PTER: variants seen among roughly 807,000 people sequenced by gnomAD.
PTER encodes N-acetyltaurine hydrolase.
PTER carries 38 observed loss-of-function variants against 29.6 expected under a neutral mutation model. The ratio of observed to expected loss-of-function variants is 1.28; its 90% CI spans 0.99 to 1.68. The LOEUF is 1.68. Ranked by LOEUF, PTER falls within the 40% of genes most tolerant of loss-of-function variation. The pLI is 0.00. For synonymous variants in PTER, 172 were observed against 154.5 expected (o/e 1.11, Z -0.84); for missense variants, 482 against 427.8 (o/e 1.13, Z -1.12).
chr10:16,476,331 C>T (rs544168411), intron 1 of PTER, among the ~76,000 whole-genome samples: 10 of 152,256 alleles, frequency 6.6e-5, no homozygotes, highest in Non-Finnish European at 1.0e-4. Context: ...CTGCCCACCT[C>T]GGCCTCCCAA....
At chr10:16,485,629 A>G (rs768619496) in intron 2 of PTER, among the ~76,000 whole-genome samples, 3 of 151,906 alleles carry the variant, frequency 2.0e-5, no homozygotes, top group Non-Finnish European at 4.4e-5. Flanking sequence ...TTATTTTTTT[A>G]ATGTATTTTT....
chr10:16,439,672 C>T (rs1446349558), intron 1 of PTER, among the ~76,000 whole-genome samples: 1 of 152,184 alleles, frequency 6.6e-6, no homozygotes, highest in Non-Finnish European at 1.5e-5. Context: ...ATACAGGACC[C>T]ATTCATACAG....
intron 1 of PTER, among the ~76,000 whole-genome samples, chr10:16,444,095 G>T (rs1236732577): frequency 6.7e-6 from 1 of 149,844 alleles, no homozygotes; most frequent in Non-Finnish European, 1.5e-5. Flanking sequence ...TCTGCCTCCC[G>T]AATTCAAGCG....
In PTER at chr10:16,443,883, A is replaced by G. The variant is rs141842187; in HGVS notation, c.-49+6836A>G. Among the ~76,000 whole-genome samples, 377 of 152,314 alleles carry G rather than the reference A, an allele frequency of 2.5e-3. 3 individuals carry two copies. Among genetic ancestry groups the G allele is most frequent in the African/African-American group, 8.5e-3 (354 of 41,570 alleles). On this transcript the variant is annotated intron_variant, in intron 1 of 4. Coordinates refer to ENST00000535784, the MANE Select transcript of PTER (RefSeq NM_001261836.2). ...GTGGTCCTATCTGCTCTTTCTATAA[A>G]GTGGTATCTTGTGCTCATCTTGCTT...
Position 16,477,243 on chromosome 10 carries a change from A to G in PTER, c.-48-7094A>G, listed in dbSNP as rs117604952. 5.1e-3 allele frequency among the ~76,000 whole-genome samples: 703 copies of G among 137,888 alleles called. 5 individuals are homozygous for G. Among genetic ancestry groups the G allele is most frequent in the South Asian group, 0.024 (101 of 4,124 alleles). 90.5% of individuals were successfully genotyped at this position (137,888 alleles called of 152,430 possible). ...AAACTTTGAAGGATGTGAACTGGAA[A>G]TTCATTCTGTCTTTCGATAGATAGA... On this transcript the variant is annotated intron_variant, in intron 1 of 4. Coordinates refer to ENST00000535784, the MANE Select transcript of PTER (RefSeq NM_001261836.2).
At chr10:16,480,221 G>T (rs1285074416) in intron 1 of PTER, among the ~76,000 whole-genome samples, 2 of 141,574 alleles carry the variant, frequency 1.4e-5, no homozygotes, top group African/African-American at 5.4e-5. Flanking sequence ...ATAGAGTCTC[G>T]CTCTGTTGTC....
chr10:16,472,925 A>C (rs545498881), intron 1 of PTER, among the ~76,000 whole-genome samples: 1 of 152,134 alleles, frequency 6.6e-6, no homozygotes, highest in African/African-American at 2.4e-5. Flanking sequence ...TTGTCTGGAC[A>C]TAAAAGATAA....
At chr10:16,515,425 C>T (rs1564416925), downstream of PTER, among the ~76,000 whole-genome samples, 2 of 152,014 alleles carry the variant, frequency 1.3e-5, no homozygotes. Context: ...AGAATTTAAC[C>T]TCAACATATC....
rs1393975985 is a variant in PTER at position 16,484,451 on chromosome 10, AC to A, written c.70del (p.Leu24Ter). On this transcript the variant is annotated frameshift_variant, in exon 2 of 5. Coordinates refer to ENST00000535784, the MANE Select transcript of PTER (RefSeq NM_001261836.2). LOFTEE classifies it high-confidence loss of function. Reference protein sequence around the residue: ...GLVEPSKLGRTLTHEHLAMTF... With the variant: ...GLVEPSKLGRXLTHEHLAMTF... Reference sequence around the variant, plus strand: ...TGTAGAGCCAAGCAAACTGGGCCGTACCCTGACCCATGAACACCTGGCCATG... The same window carrying A: ...TGTAGAGCCAAGCAAACTGGGCCGTACCTGACCCATGAACACCTGGCCATG... The A allele has an allele frequency of 6.2e-7, 1 of 1,613,962 alleles. No homozygotes were observed. The highest frequency in any genetic ancestry group is 2.2e-5 in the East Asian group (1 of 44,872).
At chr10:16,445,870 A>G (rs1408888430) in intron 1 of PTER, among the ~76,000 whole-genome samples, 1 of 151,824 alleles carries the variant, frequency 6.6e-6, no homozygotes, top group African/African-American at 2.4e-5. Flanking sequence ...AAGCCCATCC[A>G]AGTCCTCTCA....
chr10:16,460,713 T>C (rs1363171849), intron 1 of PTER, among the ~76,000 whole-genome samples: 2 of 152,176 alleles, frequency 1.3e-5, no homozygotes, highest in Non-Finnish European at 2.9e-5. Flanking sequence ...AAGTTGCAGA[T>C]ATAAGTCTAA....
At chr10:16,500,462 G>C (rs1435041179) in intron 3 of PTER, among the ~76,000 whole-genome samples, 1 of 151,852 alleles carries the variant, frequency 6.6e-6, no homozygotes, top group Non-Finnish European at 1.5e-5. Flanking sequence ...TTGTTTCCAA[G>C]GCTAGTCTCA....
rs113411966 is a variant in PTER, at chr10:16,505,388, C to G, written c.839+228C>G. Among the ~76,000 whole-genome samples the G allele has an allele frequency of 2.0e-3, 300 of 152,250 alleles. 3 individuals are homozygous for G. Among genetic ancestry groups the G allele is most frequent in the African/African-American group, 6.3e-3 (260 of 41,546 alleles). ...AAAGCTTAGCAGAGCCTTAGAAGTT[C>G]AGTGCAGATGGGCAGCTGACAGGAA... On this transcript the variant is annotated intron_variant, in intron 4 of 4. Transcript: ENST00000535784.
intron 1 of PTER, among the ~76,000 whole-genome samples, chr10:16,466,544 T>G (rs988864262): frequency 1.3e-5 from 2 of 152,132 alleles, no homozygotes; most frequent in Non-Finnish European, 2.9e-5. Context: ...TTAGTAGAGA[T>G]GGGGTCTTGC....
At chr10:16,450,571 T>G (rs1227137977) in intron 1 of PTER, among the ~76,000 whole-genome samples, 2 of 152,234 alleles carry the variant, frequency 1.3e-5, no homozygotes, top group East Asian at 3.8e-4. Flanking sequence ...CTGATGAGAC[T>G]GAGCATCCAC....
intron 1 of PTER, among the ~76,000 whole-genome samples, chr10:16,480,524 A>G (rs942436084): frequency 3.9e-5 from 6 of 152,130 alleles, no homozygotes; most frequent in African/African-American, 1.4e-4. Flanking sequence ...TAAAATTGTT[A>G]GACGAGTACC....
At chr10:16,477,256 T>TTTGATAGA (rs1216913056) in intron 1 of PTER, among the ~76,000 whole-genome samples, 6 of 69,486 alleles carry the variant, frequency 8.6e-5, no homozygotes, top group Admixed American at 3.4e-4. Flanking sequence ...CATTCTGTCT[T>TTTGATAGA]TCGATAGATA....
intron 1 of PTER, among the ~76,000 whole-genome samples, chr10:16,481,508 C>A (rs1835479356): frequency 6.6e-6 from 1 of 152,178 alleles, no homozygotes; most frequent in Admixed American, 6.5e-5. Flanking sequence ...CAGCTTAGAG[C>A]AATGTTGGCT....
At chr10:16,459,671 GT>G (rs1834535687) in intron 1 of PTER, among the ~76,000 whole-genome samples, 1 of 152,024 alleles carries the variant, frequency 6.6e-6, no homozygotes, top group South Asian at 2.1e-4. Flanking sequence ...ATATAGTTGA[GT>G]TTTTGTTAGT....
Sources: allele counts gnomAD v4.1 joint callset (sites outside exome capture counted in the v4.1 genomes callset), GRCh38; gene constraint gnomAD v4.1.1; transcripts MANE v1.5; gene names NCBI Gene and HGNC (gene_info 2026-07-23, HGNC 2026-07-21).